Variants in ADGRV1 observed in about 807,000 individuals in gnomAD.
ADGRV1 encodes adhesion G protein-coupled receptor V1, also known as G-protein coupled receptor 98.
Under a neutral mutation model 596.2 loss-of-function variants are expected in ADGRV1, and 359 were observed. That is an observed-to-expected ratio of 0.60 (90% CI 0.55 to 0.66). The LOEUF (loss-of-function observed/expected upper bound fraction) is 0.66. Ranked by LOEUF, ADGRV1 falls within the 30% of genes least tolerant of loss-of-function variation. The probability of loss-of-function intolerance (pLI) is 0.00; values close to 1 mark genes in which losing one functional copy is unlikely to be tolerated. For synonymous variants in ADGRV1, 2,681 were observed against 2,679.2 expected (o/e 1.00, Z -0.02); for missense variants, 7,274 against 7,575.6 (o/e 0.96, Z 1.48).
intron 27 of ADGRV1, 103 bp downstream of exon 27, chr5:90,681,557 T>C: frequency 9.0e-7 from 1 of 1,110,082 alleles, no homozygotes; most frequent in South Asian, 2.0e-5. Context: ...TTGTGTAGGC[T>C]GAGGGGAATG....
Position 90,575,252 on chromosome 5 carries a change from GT to G in ADGRV1, c.22+16337del, listed in dbSNP as rs534590329. 4.2e-3 allele frequency among the ~76,000 whole-genome samples: 635 copies of G among 151,036 alleles called. 4 individuals carry two copies. The highest frequency in any genetic ancestry group is 0.021 in the Middle Eastern group (6 of 292). Reference sequence around the variant, plus strand: ...GACATTTTATTTTATTTTATTTTGTGTTATGTTATTTTATTCTTTGAGACAG... The same window carrying G: ...GACATTTTATTTTATTTTATTTTGTGTATGTTATTTTATTCTTTGAGACAG... On this transcript the variant is annotated intron_variant, in intron 1 of 89. Transcript: ENST00000405460.
intron 70 of ADGRV1, among the ~76,000 whole-genome samples, chr5:90,802,197 T>C (rs1269024844): frequency 1.3e-5 from 2 of 152,066 alleles, no homozygotes; most frequent in Non-Finnish European, 2.9e-5. Context: ...TGTGTTTTTT[T>C]TGTTTAGTTT....
At chr5:90,730,993 A>G (rs1006863265) in intron 50 of ADGRV1, among the ~76,000 whole-genome samples, 19 of 152,348 alleles carry the variant, frequency 1.2e-4, no homozygotes, top group Non-Finnish European at 2.1e-4. Context: ...GAATTCCTCT[A>G]CTTAAAAGCC....
intron 85 of ADGRV1, among the ~76,000 whole-genome samples, chr5:91,028,010 T>C (rs1252300891): frequency 6.6e-6 from 1 of 151,706 alleles, no homozygotes; most frequent in Non-Finnish European, 1.5e-5. Flanking sequence ...ACCCACTCAC[T>C]ACTGAGATCC....
rs1323337730 is a variant in ADGRV1, at chr5:90,745,794, A to G, written c.10973A>G (p.Gln3658Arg). 1.3e-6 allele frequency: 2 copies of G among 1,560,182 alleles called. No homozygotes were observed. The highest frequency in any genetic ancestry group is 1.8e-6 in the Non-Finnish European group (2 of 1,133,192). The change falls in exon 52 of 90, where the codon CAG (glutamine) becomes CGG (arginine). Residue 3658 changes from glutamine to arginine, a missense_variant and splice_region_variant. Around this residue, in one of 5 missense-constraint regions of ADGRV1, gnomAD observed 3,643 missense variants for 3,809.2 expected, o/e 0.96. Coordinates refer to ENST00000405460, the MANE Select transcript of ADGRV1 (RefSeq NM_032119.4). ...GCCTATGGAATTGTTGCATTTGCTC[A>G]GGTAATGATACTGAAGACCCCACAC... ...DDAYGIVAFAQNSLYKQVEEM... is the reference protein window; with the variant it reads ...DDAYGIVAFARNSLYKQVEEM...
chr5:90,562,749 A>C (rs1755023642), intron 1 of ADGRV1, among the ~76,000 whole-genome samples: 1 of 152,184 alleles, frequency 6.6e-6, no homozygotes, highest in Admixed American at 6.5e-5. Context: ...ATTGTCCATA[A>C]ATGAGTCTTG....
Position 90,684,005 on chromosome 5 carries a change from AC to A in ADGRV1, c.6086del (p.Pro2029LeufsTer3). 1 of 1,613,954 alleles carries A rather than the reference AC, an allele frequency of 6.2e-7. No homozygotes were observed. Among genetic ancestry groups the A allele is most frequent in the Non-Finnish European group, 8.5e-7 (1 of 1,179,882 alleles). ...DDMEKPPYFP[P>X]NLARATQGRD... ...ATATGGAAAAACCACCTTATTTTCC[AC>A]CTAATTTAGCGAGAGCAACTCAAGG... On this transcript the variant is annotated frameshift_variant, in exon 28 of 90. Coordinates refer to ENST00000405460, the MANE Select transcript of ADGRV1 (RefSeq NM_032119.4). LOFTEE classifies it high-confidence loss of function.
intron 87 of ADGRV1, among the ~76,000 whole-genome samples, chr5:91,147,178 A>T (rs972224792): frequency 1.4e-3 from 9 of 6,566 alleles, no homozygotes; most frequent in African/African-American, 1.9e-3. Context: ...CCTTGTCTTA[A>T]AAAAAAAAAA....
At chr5:91,120,497 C>T (rs1172142766) in intron 87 of ADGRV1, among the ~76,000 whole-genome samples, 1 of 152,170 alleles carries the variant, frequency 6.6e-6, no homozygotes, top group East Asian at 1.9e-4. Flanking sequence ...ATTTTTCCAG[C>T]TTTGTCTATC....
intron 24 of ADGRV1, 24 bp downstream of exon 24, chr5:90,675,469 G>A: frequency 1.3e-6 from 2 of 1,591,588 alleles, no homozygotes; most frequent in Non-Finnish European, 8.6e-7. Context: ...TCCTTTTGAA[G>A]TTGTATTTGC....
intron 50 of ADGRV1, among the ~76,000 whole-genome samples, chr5:90,744,590 A>C (rs1754394704): frequency 6.6e-6 from 1 of 152,190 alleles, no homozygotes; most frequent in Non-Finnish European, 1.5e-5. Flanking sequence ...TAGTATGGAC[A>C]TGGTGTAATA....
intron 83 of ADGRV1, among the ~76,000 whole-genome samples, chr5:90,918,485 G>C (rs1261249381): frequency 2.6e-5 from 4 of 152,178 alleles, no homozygotes; most frequent in Admixed American, 1.3e-4. Flanking sequence ...GTGAGAGGTA[G>C]ATAGCAAAGA....
chr5:90,816,894 C>T (rs1762951988), intron 75 of ADGRV1, among the ~76,000 whole-genome samples: 1 of 152,052 alleles, frequency 6.6e-6, no homozygotes, highest in Non-Finnish European at 1.5e-5. Flanking sequence ...GTCTTTATAG[C>T]AGCATGATCT....
intron 34 of ADGRV1, among the ~76,000 whole-genome samples, chr5:90,697,963 TAAA>T (rs1747416375): frequency 6.6e-6 from 1 of 152,166 alleles, no homozygotes; most frequent in East Asian, 1.9e-4. Context: ...ATAGAGAGAT[TAAA>T]AGACTTGACA....
At chr5:91,043,919 A>G (rs902918013) in intron 85 of ADGRV1, among the ~76,000 whole-genome samples, 1 of 151,642 alleles carries the variant, frequency 6.6e-6, no homozygotes, top group Non-Finnish European at 1.5e-5. Flanking sequence ...ATTATATTTT[A>G]TATTTATTTT....
intron 57 of ADGRV1, 22 bp downstream of exon 57, chr5:90,757,183 T>C: frequency 6.2e-7 from 1 of 1,606,966 alleles, no homozygotes; most frequent in Non-Finnish European, 8.5e-7. Context: ...ATTAACATAT[T>C]AGCCTTTTTG....
Position 90,840,912 on chromosome 5 carries a change from A to T in ADGRV1, c.16946A>T (p.His5649Leu). The change falls in exon 78 of 90, where the codon CAT becomes CTT. Residue 5649 changes from histidine (H) to leucine (L), a missense_variant. Around this residue, in one of 5 missense-constraint regions of ADGRV1, gnomAD observed 1,874 missense variants for 1,970.2 expected, o/e 0.95. Transcript: ENST00000405460. ...GATGATATTCTCAACAGAGTGCTCC[A>T]TACCATCAGCATGAAAGTGGCCACA... ...VNDDILNRVL[H>L]TISMKVATEN... 1 of 1,551,576 alleles carries T rather than the reference A, an allele frequency of 6.4e-7. No individual in the cohort carries two copies.
chr5:90,770,886 C>T (rs1757624620), intron 59 of ADGRV1, among the ~76,000 whole-genome samples: 1 of 152,138 alleles, frequency 6.6e-6, no homozygotes, highest in Non-Finnish European at 1.5e-5. Flanking sequence ...CTTATTCTTA[C>T]ACAAATGGAA....
chr5:90,641,235 T>G (rs905889546), intron 11 of ADGRV1, among the ~76,000 whole-genome samples: 8 of 152,216 alleles, frequency 5.3e-5, no homozygotes, highest in Non-Finnish European at 8.8e-5. Flanking sequence ...ATGTCTTTTA[T>G]GAATCTTGTA....
Sources: allele counts gnomAD v4.1 joint callset (sites outside exome capture counted in the v4.1 genomes callset), GRCh38; gene constraint gnomAD v4.1.1; regional missense constraint gnomAD v4.1.1; transcripts MANE v1.5; gene names NCBI Gene and HGNC (gene_info 2026-07-23, HGNC 2026-07-21).